Variants in APPL1 observed in about 807,000 individuals in gnomAD.
The protein encoded by APPL1 is DCC-interacting protein 13-alpha.
Under a neutral mutation model 106.8 loss-of-function variants are expected in APPL1, and 42 were observed. The observed-to-expected ratio is 0.39, with a 90% confidence interval of 0.31 to 0.51. The LOEUF (loss-of-function observed/expected upper bound fraction) is 0.51. Ranked by LOEUF, APPL1 falls within the 20% of genes least tolerant of loss-of-function variation. The probability of loss-of-function intolerance (pLI) is 0.75; values close to 1 mark genes in which losing one functional copy is unlikely to be tolerated. For missense variants in APPL1, 769 were observed against 858.2 expected, an observed-to-expected ratio of 0.90 and a Z score of 1.30; for synonymous variants, 263 against 281.8, an observed-to-expected ratio of 0.93 and a Z score of 0.67.
In APPL1 at chr3:57,227,774, C is replaced by CT; in HGVS notation, c.-109dup. ...GAGAAGGCTGTGCGGGCGGGGACGG[C>CT]TGCAGCCCTTGCCGGAGAGGGCGGG... On this transcript the variant is annotated 5_prime_UTR_variant, in exon 1 of 22. Transcript: ENST00000288266. 1.0e-6 allele frequency: 1 copy of CT among 966,854 alleles called. No homozygotes were observed. The highest frequency in any genetic ancestry group is 1.4e-6 in the Non-Finnish European group (1 of 717,182). 59.9% of individuals were successfully genotyped at this position (966,854 alleles called of 1,614,324 possible).
chr3:57,248,111 G>A (rs942285157), intron 9 of APPL1, 82 bp from the exon 10 acceptor site: 10 of 1,407,812 alleles, frequency 7.1e-6, no homozygotes, highest in Admixed American at 4.5e-5. Context: ...AAACATACCC[G>A]AAACAAATAT....
intron 19 of APPL1, among the ~76,000 whole-genome samples, chr3:57,267,427 T>A (rs1049681696): frequency 2.6e-5 from 4 of 152,212 alleles, no homozygotes; most frequent in African/African-American, 9.6e-5. Context: ...CCAGCCATTT[T>A]CAGATGTCTT....
chr3:57,227,965 AG>A, intron 1 of APPL1, 28 bp downstream of exon 1: 1 of 1,417,794 alleles, frequency 7.1e-7, no homozygotes, highest in Non-Finnish European at 9.3e-7. Flanking sequence ...GTGGGCGACG[AG>A]GGAGAGCCCA....
chr3:57,231,723 G>C (rs1002238599), intron 1 of APPL1, among the ~76,000 whole-genome samples: 2 of 151,010 alleles, frequency 1.3e-5, no homozygotes, highest in Admixed American at 1.3e-4. Context: ...CAGGAGGATC[G>C]ATTGAGTCCA....
intron 7 of APPL1, among the ~76,000 whole-genome samples, 179 bp downstream of exon 7, chr3:57,243,093 AAT>A (rs2060755522): frequency 6.6e-6 from 1 of 152,214 alleles, no homozygotes; most frequent in African/African-American, 2.4e-5. Context: ...CTTTAAACAA[AAT>A]ATTTTCTTCT....
chr3:57,257,128 C>T lies in APPL1; in HGVS notation c.1247+77C>T, dbSNP rs892724605. ...TCTGTGATCTGGGATTATGTTTGTA[C>T]TGAAACTTAAGACTTCTCATTGACT... On this transcript the variant is annotated intron_variant, in intron 14 of 21. Coordinates refer to ENST00000288266, the MANE Select transcript of APPL1 (RefSeq NM_012096.3). 1.2e-5 allele frequency: 19 copies of T among 1,564,624 alleles called. No individual in the cohort carries two copies. The African/African-American group carries it at 2.5e-4, about 20-fold the overall frequency.
intron 19 of APPL1, among the ~76,000 whole-genome samples, chr3:57,267,538 G>A (rs1307621169): frequency 1.3e-5 from 2 of 152,216 alleles, no homozygotes; most frequent in African/African-American, 4.8e-5. Context: ...ATATGAAGGT[G>A]AGAGTCAGCA....
Position 57,269,394 on chromosome 3 carries a change from G to A in APPL1, c.1984-147G>A, listed in dbSNP as rs2060919060. The A allele has an allele frequency of 5.7e-6, 4 of 700,692 alleles. No homozygotes were observed. The South Asian group carries it at 9.0e-5, about 16-fold the overall frequency. 43.4% of individuals were successfully genotyped at this position (700,692 alleles called of 1,614,324 possible). A position where few individuals can be genotyped will look rare whatever the true frequency, so the allele number is the denominator to read the frequency against. ...TTCATTTTGGTGTTGTATTGTTTGG[G>A]TGTAGCTTTTCTTTTTATCAAGTTG... On this transcript the variant is annotated intron_variant, in intron 21 of 21. Transcript: ENST00000288266.
chr3:57,255,192 TTGG>T (rs2060828446), intron 13 of APPL1, among the ~76,000 whole-genome samples: 1 of 151,956 alleles, frequency 6.6e-6, no homozygotes, highest in Non-Finnish European at 1.5e-5. Flanking sequence ...TGCAGTATAG[TTGG>T]AAGAGGACTT....
At chr3:57,251,350 C>A (rs2060803558) in intron 11 of APPL1, among the ~76,000 whole-genome samples, 1 of 151,184 alleles carries the variant, frequency 6.6e-6, no homozygotes, top group Non-Finnish European at 1.5e-5. Flanking sequence ...GTGGTGAAAT[C>A]CAGTCTCTAC....
At chr3:57,232,029 G>A (rs1201229297) in intron 1 of APPL1, among the ~76,000 whole-genome samples, 2 of 152,178 alleles carry the variant, frequency 1.3e-5, no homozygotes, top group Non-Finnish European at 2.9e-5. Flanking sequence ...AGACAGTTCT[G>A]CAAAAGATCA....
chr3:57,232,894 C>T (rs546781661), intron 1 of APPL1, among the ~76,000 whole-genome samples: 2 of 151,892 alleles, frequency 1.3e-5, no homozygotes, highest in Non-Finnish European at 2.9e-5. Context: ...CCCAGCTACA[C>T]GGGAGGCTGA....
chr3:57,239,602 A>G (rs1422956325), intron 4 of APPL1, among the ~76,000 whole-genome samples: 2 of 152,174 alleles, frequency 1.3e-5, no homozygotes, highest in Non-Finnish European at 2.9e-5. Flanking sequence ...AACTAGTTCA[A>G]ATAATGTTAT....
intron 13 of APPL1, 40 bp downstream of exon 13, chr3:57,253,778 T>C (rs1364506955): frequency 7.3e-7 from 1 of 1,362,084 alleles, no homozygotes; most frequent in African/African-American, 1.5e-5. Flanking sequence ...CTAGCAAAAT[T>C]GAGTAATTTT....
Position 57,248,290 on chromosome 3 carries a change from C to G in APPL1, c.802C>G (p.Pro268Ala). 1 of 1,614,038 alleles carries G rather than the reference C, an allele frequency of 6.2e-7. No individual in the cohort carries two copies. Among genetic ancestry groups the G allele is most frequent in the Non-Finnish European group, 8.5e-7 (1 of 1,180,020 alleles). ...TCCCTTATATGTGCCTGACCCAGACCCCACCAAATTTCCTGTTAATCGAAA... is the reference window on the plus strand; with the variant it reads ...TCCCTTATATGTGCCTGACCCAGACGCCACCAAATTTCCTGTTAATCGAAA... ...SDPLYVPDPD[P>A]TKFPVNRNLT... Residue 268 changes from proline (P) to alanine (A), a missense_variant, in exon 10 of 22, where the codon CCC (proline) becomes GCC (alanine). Physicochemically the swap from Pro to Ala is conservative, Grantham distance 27. Coordinates refer to ENST00000288266, the MANE Select transcript of APPL1 (RefSeq NM_012096.3).
chr3:57,257,203 A>C (rs1242839858), intron 14 of APPL1, 43 bp from the exon 15 acceptor site: 1 of 1,580,904 alleles, frequency 6.3e-7, no homozygotes, highest in South Asian at 1.2e-5. Context: ...TTTAATATCC[A>C]AAAGGGAAAA....
In APPL1 at chr3:57,268,028, G is replaced by A; in HGVS notation, c.1893+236G>A. 7.4e-6 allele frequency: 4 copies of A among 538,416 alleles called. No individual in the cohort carries two copies. In the South Asian group the frequency reaches 9.5e-5, roughly 13 times the overall value. The allele number at this position is 538,416 out of a possible 1,614,324, so 33.4% of individuals were successfully genotyped here. A position where few individuals can be genotyped will look rare whatever the true frequency, so the allele number is the denominator to read the frequency against. On this transcript the variant is annotated intron_variant, in intron 20 of 21. Coordinates refer to ENST00000288266, the MANE Select transcript of APPL1 (RefSeq NM_012096.3). ...GAATGACTTGAATCCGGGAGGCGGA[G>A]GTTGCAATGAGCCGAGATCACACCA...
chr3:57,268,575 A>C, intron 21 of APPL1, 88 bp downstream of exon 21: 1 of 1,432,646 alleles, frequency 7.0e-7, no homozygotes, highest in Non-Finnish European at 9.2e-7. Flanking sequence ...TTTCCAAATG[A>C]AGGGCTGTTT....
chr3:57,267,704 AGAACTGCCT>A, intron 19 of APPL1, 29 bp from the exon 20 acceptor site: 2 of 1,594,756 alleles, frequency 1.3e-6, no homozygotes, highest in Non-Finnish European at 8.6e-7. Flanking sequence ...CTTTGTTGTG[AGAACTGCCT>A]GAATTTTTCA....
Sources: allele counts gnomAD v4.1 joint callset (sites outside exome capture counted in the v4.1 genomes callset), GRCh38; gene constraint gnomAD v4.1.1; transcripts MANE v1.5; gene names NCBI Gene and HGNC (gene_info 2026-07-23, HGNC 2026-07-21).